The following ATP8A1 variants were observed in gnomAD, a reference collection of about 807,000 sequenced individuals.
The protein encoded by ATP8A1 is ATPase phospholipid transporting 8A1.
In ATP8A1, 90 loss-of-function variants were observed where a neutral mutation model predicts 177.7. The ratio of observed to expected loss-of-function variants is 0.51; its 90% CI spans 0.43 to 0.60. The LOEUF (loss-of-function observed/expected upper bound fraction) is 0.60, where lower values mean the gene tolerates loss of function less well. Ranked by LOEUF, ATP8A1 falls within the 20% of genes least tolerant of loss-of-function variation. The pLI is 0.00. For missense variants in ATP8A1, 1,072 were observed against 1,392.8 expected (o/e 0.77, Z 3.67); for synonymous variants, 493 against 485.9 (o/e 1.01, Z -0.19).
chr4:42,549,456 G>C (rs1309794912), intron 18 of ATP8A1, among the ~76,000 whole-genome samples: 10 of 151,806 alleles, frequency 6.6e-5, no homozygotes, highest in African/African-American at 2.4e-4. Flanking sequence ...AAAAAGGGAA[G>C]CAATGAAACA....
At chr4:42,517,577 C>T (rs899431805) in intron 22 of ATP8A1, among the ~76,000 whole-genome samples, 1 of 152,226 alleles carries the variant, frequency 6.6e-6, no homozygotes, top group Non-Finnish European at 1.5e-5. Flanking sequence ...ATGATAATCC[C>T]ATCTGCATTC....
At chr4:42,587,126 A>G (rs1179495839) in intron 8 of ATP8A1, among the ~76,000 whole-genome samples, 1 of 152,190 alleles carries the variant, frequency 6.6e-6, no homozygotes, top group African/African-American at 2.4e-5. Context: ...GCTTGACACG[A>G]TATGAAAAGT....
intron 2 of ATP8A1, chr4:42,626,658 C>A: frequency 7.2e-6 from 2 of 278,108 alleles, no homozygotes; most frequent in South Asian, 8.6e-5. Context: ...AAGACCTCTT[C>A]TAAAATGTTA....
chr4:42,653,538 G>T (rs1002729851), intron 1 of ATP8A1, among the ~76,000 whole-genome samples: 1 of 152,032 alleles, frequency 6.6e-6, no homozygotes, highest in Admixed American at 6.6e-5. Flanking sequence ...TCTGACTTTT[G>T]TCATTTTAAG....
intron 25 of ATP8A1, among the ~76,000 whole-genome samples, chr4:42,482,804 A>C (rs1345844479): frequency 1.3e-5 from 2 of 152,202 alleles, no homozygotes; most frequent in Non-Finnish European, 2.9e-5. Context: ...AGGGCTAAAG[A>C]GAAGACTGCA....
chr4:42,538,804 T>G (rs1234093341), intron 20 of ATP8A1, among the ~76,000 whole-genome samples: 1 of 152,250 alleles, frequency 6.6e-6, no homozygotes, highest in African/African-American at 2.4e-5. Context: ...TTTACACTGC[T>G]GGTGGGAATG....
intron 1 of ATP8A1, among the ~76,000 whole-genome samples, chr4:42,653,648 T>C (rs1330279250): frequency 3.3e-5 from 5 of 152,248 alleles, no homozygotes; most frequent in Admixed American, 3.3e-4. Flanking sequence ...TGTCCCTCCC[T>C]TATAACGATG....
chr4:42,417,648 G>A (rs1400132969), intron 35 of ATP8A1, among the ~76,000 whole-genome samples: 1 of 152,190 alleles, frequency 6.6e-6, no homozygotes, highest in African/African-American at 2.4e-5. Context: ...GTGTTGGAAC[G>A]TGTTGTCTTA....
rs1397019221 is a variant in ATP8A1, at chr4:42,410,765, A to G, written c.*2151T>C. On this transcript the variant is annotated 3_prime_UTR_variant, in exon 37 of 37. Transcript: ENST00000381668. The stretch of plus-strand genomic sequence containing the variant: ...AAACAATCCACGTTTCAAGATTAAA[A>G]TAAAACTTACATTTTTAAGTCAGAA... 1 of 152,182 alleles carries G rather than the reference A, an allele frequency of 6.6e-6. No individual in the cohort carries two copies. Among genetic ancestry groups the G allele is most frequent in the Admixed American group, 6.5e-5 (1 of 15,278 alleles). The allele number at this position is 152,182 out of a possible 1,614,324, so 9.4% of individuals were successfully genotyped here. A position where few individuals can be genotyped will look rare whatever the true frequency, so the allele number is the denominator to read the frequency against.
rs544627743 is a variant in ATP8A1, at chr4:42,630,903, T to C, written c.50-3794A>G. Among the ~76,000 whole-genome samples, 61 of 152,356 alleles carry C rather than the reference T, an allele frequency of 4.0e-4. 1 individual carries two copies. In the South Asian group the frequency reaches 7.9e-3, roughly 20 times the overall value. ...TAATCTGTCAAAGAGAAGTATTCTG[T>C]GTTCATGTCCTGGAATAGTTGGTAG... On this transcript the variant is annotated intron_variant, in intron 1 of 36. Coordinates refer to ENST00000381668, the MANE Select transcript of ATP8A1 (RefSeq NM_006095.2).
chr4:42,470,275 TATTC>T (rs1375526428), intron 25 of ATP8A1, among the ~76,000 whole-genome samples: 1 of 152,240 alleles, frequency 6.6e-6, no homozygotes, highest in Non-Finnish European at 1.5e-5. Context: ...CTGCACATGT[TATTC>T]ATTATTTTTC....
At chr4:42,497,330 T>C (rs1712715132) in intron 24 of ATP8A1, among the ~76,000 whole-genome samples, 1 of 152,138 alleles carries the variant, frequency 6.6e-6, no homozygotes, top group Non-Finnish European at 1.5e-5. Flanking sequence ...AAAACTGTCA[T>C]TTTATGCGTG....
chr4:42,518,364 T>C (rs1275625894), intron 22 of ATP8A1, among the ~76,000 whole-genome samples: 1 of 152,238 alleles, frequency 6.6e-6, no homozygotes, highest in Non-Finnish European at 1.5e-5. Flanking sequence ...AATGATGTAC[T>C]GATCTTTTGA....
intron 1 of ATP8A1, among the ~76,000 whole-genome samples, chr4:42,633,126 C>T (rs1738919853): frequency 6.6e-6 from 1 of 152,166 alleles, no homozygotes; most frequent in African/African-American, 2.4e-5. Flanking sequence ...GATGGTAACT[C>T]AACATCCATA....
At chr4:42,444,531 CA>C (rs758757211) in intron 32 of ATP8A1, 46 bp downstream of exon 32, 18 of 1,554,454 alleles carry the variant, frequency 1.2e-5, no homozygotes, top group Non-Finnish European at 1.5e-5. Flanking sequence ...GGAGATAATG[CA>C]CAAGTAAATG....
intron 22 of ATP8A1, among the ~76,000 whole-genome samples, chr4:42,507,779 C>CAAAAAA (rs1724554447): frequency 2.1e-4 from 1 of 4,786 alleles, no homozygotes; most frequent in Non-Finnish European, 4.0e-4. Context: ...GACAGGCATT[C>CAAAAAA]TAAAAAAAAA....
chr4:42,604,875 T>G (rs531367270), intron 5 of ATP8A1, among the ~76,000 whole-genome samples: 1 of 152,172 alleles, frequency 6.6e-6, no homozygotes, highest in Non-Finnish European at 1.5e-5. Flanking sequence ...TACAATGACA[T>G]GAATGAATCT....
chr4:42,522,346 C>T lies in ATP8A1; in HGVS notation c.1808-47G>A, dbSNP rs527583962. On this transcript the variant is annotated intron_variant, in intron 21 of 36. Transcript: ENST00000381668. ...ACCCCAACACACCAAAGATTTTCTT[C>T]AGAAGTCTGAGGTTTCTGTTTTTAT... The T allele has an allele frequency of 5.0e-6, 8 of 1,593,086 alleles. No individual in the cohort carries two copies. The African/African-American group carries it at 5.4e-5, about 11-fold the overall frequency.
At chr4:42,614,920 A>T (rs999171004) in intron 5 of ATP8A1, among the ~76,000 whole-genome samples, 1 of 152,216 alleles carries the variant, frequency 6.6e-6, no homozygotes, top group Non-Finnish European at 1.5e-5. Flanking sequence ...AAGATACACC[A>T]CAGTTTTCTC....
Sources: gnomAD v4.1 joint callset for allele counts (sites outside exome capture counted in the v4.1 genomes callset) on GRCh38, gnomAD v4.1.1 for gene constraint, MANE v1.5 for transcripts, NCBI Gene and HGNC (gene_info 2026-07-23, HGNC 2026-07-21) for gene names.